Variants in MMP16 observed in about 807,000 individuals in gnomAD.
MMP16 encodes the protein matrix metallopeptidase 16.
Under a neutral mutation model 67.8 loss-of-function variants are expected in MMP16, and 12 were observed. The ratio of observed to expected loss-of-function variants is 0.18; its 90% CI spans 0.11 to 0.29. MMP16 has a LOEUF of 0.29. Among genes scored for constraint, MMP16 ranks in the 10% least tolerant of loss-of-function variants. MMP16 has a pLI of 1.00. For synonymous variants in MMP16, 249 were observed against 255.9 expected, an observed-to-expected ratio of 0.97 and a Z score of 0.26; for missense variants, 475 against 765.7, an observed-to-expected ratio of 0.62 and a Z score of 4.48.
At chr8:88,057,717 A>G (rs1312953889) in intron 7 of MMP16, among the ~76,000 whole-genome samples, 2 of 152,186 alleles carry the variant, frequency 1.3e-5, no homozygotes, top group East Asian at 3.8e-4. Flanking sequence ...AGGAGTTTCT[A>G]GTTTGTAACC....
chr8:88,192,960 T>G (rs944618847), intron 2 of MMP16, among the ~76,000 whole-genome samples: 1 of 152,062 alleles, frequency 6.6e-6, no homozygotes, highest in Non-Finnish European at 1.5e-5. Flanking sequence ...CTGATGGAAA[T>G]ATAAATTAGG....
Position 88,327,357 on chromosome 8 carries a change from G to A in MMP16, c.-151C>T, listed in dbSNP as rs1320858776. The A allele has an allele frequency of 6.2e-6, 6 of 960,474 alleles. No homozygotes were observed. Among genetic ancestry groups the A allele is most frequent in the Admixed American group, 5.0e-5 (2 of 39,792 alleles). The allele number at this position is 960,474 out of a possible 1,614,324, so 59.5% of individuals were successfully genotyped here. A position where few individuals can be genotyped will look rare whatever the true frequency, so the allele number is the denominator to read the frequency against. ...CACAGCCGGGCAAGGGGAGGAGACA[G>A]GGGCCCCGCGCTCGGCAGCCCCCGA... On this transcript the variant is annotated 5_prime_UTR_variant, in exon 1 of 10. Coordinates refer to ENST00000286614, the MANE Select transcript of MMP16 (RefSeq NM_005941.5).
intron 1 of MMP16, among the ~76,000 whole-genome samples, chr8:88,210,498 C>T (rs1381100419): frequency 2.6e-5 from 4 of 152,124 alleles, no homozygotes; most frequent in African/African-American, 9.7e-5. Context: ...CCATTTTCTG[C>T]CTACTGGGTT....
chr8:88,155,750 T>C (rs1808499265), intron 4 of MMP16, among the ~76,000 whole-genome samples: 1 of 152,130 alleles, frequency 6.6e-6, no homozygotes, highest in African/African-American at 2.4e-5. Context: ...ATAACAGGCT[T>C]TTGTTTCCTG....
At chr8:88,073,030 C>T (rs1003433155) in intron 7 of MMP16, among the ~76,000 whole-genome samples, 11 of 152,262 alleles carry the variant, frequency 7.2e-5, no homozygotes, top group South Asian at 2.1e-4. Flanking sequence ...GGCAGTTTCG[C>T]CTCAGGCAGT....
intron 1 of MMP16, among the ~76,000 whole-genome samples, chr8:88,227,557 G>C (rs1809790080): frequency 6.6e-6 from 1 of 151,952 alleles, no homozygotes; most frequent in Non-Finnish European, 1.5e-5. Context: ...CTTTCCTCTT[G>C]TCAAGGCTCA....
chr8:88,218,755 T>C (rs1809633306), intron 1 of MMP16, among the ~76,000 whole-genome samples: 1 of 152,018 alleles, frequency 6.6e-6, no homozygotes, highest in Non-Finnish European at 1.5e-5. Context: ...GCCCTTGTGC[T>C]TATACACATG....
intron 3 of MMP16, among the ~76,000 whole-genome samples, chr8:88,178,170 T>C (rs568791007): frequency 6.6e-6 from 1 of 152,316 alleles, no homozygotes; most frequent in Non-Finnish European, 1.5e-5. Flanking sequence ...CAAACAATTC[T>C]GTTGCTTGCT....
chr8:88,238,581 G>A (rs1276892004), intron 1 of MMP16, among the ~76,000 whole-genome samples: 7 of 148,960 alleles, frequency 4.7e-5, no homozygotes, highest in Non-Finnish European at 7.4e-5. Flanking sequence ...CAGGAGAATC[G>A]CTTGAACACA....
At chr8:88,264,584 T>C (rs1404713261) in intron 1 of MMP16, among the ~76,000 whole-genome samples, 1 of 152,156 alleles carries the variant, frequency 6.6e-6, no homozygotes, top group Non-Finnish European at 1.5e-5. Context: ...CCCTATAGAG[T>C]ATCATTATGA....
chr8:88,319,987 T>G (rs1811433614), intron 1 of MMP16, among the ~76,000 whole-genome samples: 1 of 152,186 alleles, frequency 6.6e-6, no homozygotes, highest in Non-Finnish European at 1.5e-5. Context: ...GTGATGCTTA[T>G]GAGAAGCTTA....
At chr8:88,165,566 A>G (rs1808698926) in intron 4 of MMP16, among the ~76,000 whole-genome samples, 1 of 152,116 alleles carries the variant, frequency 6.6e-6, no homozygotes, top group Admixed American at 6.6e-5. Flanking sequence ...TAATTTTAAA[A>G]TTGACTTGAA....
At chr8:88,248,826 T>C (rs998471973) in intron 1 of MMP16, among the ~76,000 whole-genome samples, 2 of 151,748 alleles carry the variant, frequency 1.3e-5, no homozygotes, top group Non-Finnish European at 2.9e-5. Context: ...TTCCCAATTA[T>C]ACTGCAGATA....
At chr8:88,252,495 G>GT (rs1436472077) in intron 1 of MMP16, among the ~76,000 whole-genome samples, 1 of 151,746 alleles carries the variant, frequency 6.6e-6, no homozygotes, top group Non-Finnish European at 1.5e-5. Flanking sequence ...TCCCAGCTTA[G>GT]TAAAAACAAA....
intron 1 of MMP16, among the ~76,000 whole-genome samples, chr8:88,296,639 G>T (rs900197235): frequency 2.0e-5 from 3 of 151,920 alleles, no homozygotes; most frequent in African/African-American, 7.3e-5. Context: ...TTCGAAACCA[G>T]GCTGGGAAAC....
At chr8:88,185,321 T>C (rs1277958801) in intron 3 of MMP16, among the ~76,000 whole-genome samples, 1 of 152,042 alleles carries the variant, frequency 6.6e-6, no homozygotes, top group Non-Finnish European at 1.5e-5. Flanking sequence ...TAGCTGGGCA[T>C]GGTGGTGCAT....
At chr8:88,264,463 G>A (rs1810443095) in intron 1 of MMP16, among the ~76,000 whole-genome samples, 3 of 152,134 alleles carry the variant, frequency 2.0e-5, no homozygotes. Flanking sequence ...AGCCTCCTGA[G>A]GAGCTAGGGT....
At position 88,034,646 on chromosome 8, in the gene MMP16, T is replaced by C. The variant is rs1003465533; in HGVS notation, c.*6815A>G. ...AACATTGATTTAAGGATAACGCTCATATTACTACCAAAATCATTCATTCAA... is the reference window on the plus strand; with the variant it reads ...AACATTGATTTAAGGATAACGCTCACATTACTACCAAAATCATTCATTCAA... On this transcript the variant is annotated 3_prime_UTR_variant, in exon 10 of 10. Transcript: ENST00000286614. 1 of 152,092 alleles carries C rather than the reference T, an allele frequency of 6.6e-6. No homozygotes were observed. The highest frequency in any genetic ancestry group is 2.4e-5 in the African/African-American group (1 of 41,438). The allele number at this position is 152,092 out of a possible 1,614,324, so 9.4% of individuals were successfully genotyped here.
intron 1 of MMP16, among the ~76,000 whole-genome samples, chr8:88,293,261 T>C (rs1261493079): frequency 6.6e-6 from 1 of 152,192 alleles, no homozygotes; most frequent in Non-Finnish European, 1.5e-5. Context: ...CCTTCCACTG[T>C]TTCCTCTTAT....
Sources: allele counts gnomAD v4.1 joint callset (sites outside exome capture counted in the v4.1 genomes callset), GRCh38; gene constraint gnomAD v4.1.1; transcripts MANE v1.5; gene names NCBI Gene and HGNC (gene_info 2026-07-23, HGNC 2026-07-21).